NXPH1: variants seen among roughly 807,000 people sequenced by gnomAD.
The protein encoded by NXPH1 is neurexophilin-1.
NXPH1 carries 5 observed loss-of-function variants against 23.7 expected under a neutral mutation model. The observed-to-expected ratio is 0.21, with a 90% CI of 0.11 to 0.44. The LOEUF is 0.44. Among genes scored for constraint, NXPH1 ranks in the 20% least tolerant of loss-of-function variants. NXPH1 has a pLI of 0.99. For synonymous variants in NXPH1, 144 were observed against 122.2 expected (o/e 1.18, Z -1.18); for missense variants, 324 against 321.6 (o/e 1.01, Z -0.06).
chr7:8,561,295 G>A (rs896713746), intron 2 of NXPH1, among the ~76,000 whole-genome samples: 1 of 149,296 alleles, frequency 6.7e-6, no homozygotes, highest in African/African-American at 2.5e-5. Context: ...TTGCCCTTAG[G>A]TAGGGTCTCC....
chr7:8,597,506 T>C (rs527737784), intron 2 of NXPH1, among the ~76,000 whole-genome samples: 26 of 152,120 alleles, frequency 1.7e-4, no homozygotes, highest in African/African-American at 6.0e-4. Context: ...TTCAGTGATA[T>C]TTTGTACTTT....
chr7:8,507,539 AT>A (rs1205466669), intron 2 of NXPH1, among the ~76,000 whole-genome samples: 1 of 152,130 alleles, frequency 6.6e-6, no homozygotes, highest in Non-Finnish European at 1.5e-5. Flanking sequence ...AAAATCACTT[AT>A]AACATGAATC....
At chr7:8,448,085 G>C (rs561771000) in intron 2 of NXPH1, among the ~76,000 whole-genome samples, 191 of 152,310 alleles carry the variant, frequency 1.3e-3, no homozygotes, top group African/African-American at 4.5e-3. Context: ...TGAAAGACTG[G>C]CTAGGAGAAA....
At chr7:8,747,967 G>T (rs891558312) in intron 2 of NXPH1, among the ~76,000 whole-genome samples, 1 of 152,152 alleles carries the variant, frequency 6.6e-6, no homozygotes, top group South Asian at 2.1e-4. Flanking sequence ...TACTAACTCT[G>T]GAGCTGCTAA....
At chr7:8,745,802 C>G (rs150712527) in intron 2 of NXPH1, among the ~76,000 whole-genome samples, 1 of 147,016 alleles carries the variant, frequency 6.8e-6, no homozygotes, top group Non-Finnish European at 1.5e-5. Flanking sequence ...CTCTTGACCT[C>G]TTTATCCTCC....
chr7:8,536,221 G>A (rs931935945), intron 2 of NXPH1, among the ~76,000 whole-genome samples: 2 of 152,030 alleles, frequency 1.3e-5, no homozygotes. Flanking sequence ...TTATCTCCTA[G>A]TTGGGGAATT....
intron 2 of NXPH1, among the ~76,000 whole-genome samples, chr7:8,686,928 TAAG>T (rs1821154868): frequency 6.6e-6 from 1 of 152,116 alleles, no homozygotes; most frequent in Non-Finnish European, 1.5e-5. Flanking sequence ...TTGATGCCTA[TAAG>T]AAGTTTTATT....
chr7:8,507,558 T>C (rs1009678306), intron 2 of NXPH1, among the ~76,000 whole-genome samples: 3 of 152,144 alleles, frequency 2.0e-5, no homozygotes, highest in African/African-American at 7.2e-5. Context: ...ATCCTTCTAG[T>C]AGTTCCCCCA....
Position 8,560,336 on chromosome 7 carries a change from A to T in NXPH1, c.54+124569A>T, listed in dbSNP as rs189676379. ...AAGACTGTTGACATTTGAAAACCAGAGTAGCTGAACATGGATTTTCTAAAG... is the reference window on the plus strand; with the variant it reads ...AAGACTGTTGACATTTGAAAACCAGTGTAGCTGAACATGGATTTTCTAAAG... On this transcript the variant is annotated intron_variant, in intron 2 of 2. Transcript: ENST00000405863. 2.6e-5 allele frequency among the ~76,000 whole-genome samples: 4 copies of T among 151,866 alleles called. No individual in the cohort carries two copies. The East Asian group carries it at 7.8e-4, about 30-fold the overall frequency.
At chr7:8,452,944 T>G (rs1816532398) in intron 2 of NXPH1, among the ~76,000 whole-genome samples, 1 of 152,112 alleles carries the variant, frequency 6.6e-6, no homozygotes, top group African/African-American at 2.4e-5. Context: ...AAGATGAGTG[T>G]ACTTCCTAGT....
At chr7:8,576,612 G>A (rs1033595727) in intron 2 of NXPH1, among the ~76,000 whole-genome samples, 2 of 152,108 alleles carry the variant, frequency 1.3e-5, no homozygotes, top group Non-Finnish European at 2.9e-5. Context: ...GAGGGGTCTT[G>A]TGAGGTGAGG....
intron 2 of NXPH1, among the ~76,000 whole-genome samples, chr7:8,630,131 C>T (rs893919598): frequency 2.6e-5 from 4 of 152,016 alleles, no homozygotes; most frequent in Admixed American, 6.6e-5. Context: ...AGACGCATCA[C>T]GTTGACATAA....
intron 2 of NXPH1, among the ~76,000 whole-genome samples, chr7:8,636,890 G>A (rs1820226296): frequency 6.6e-6 from 1 of 152,190 alleles, no homozygotes; most frequent in African/African-American, 2.4e-5. Flanking sequence ...TCAAATCTGA[G>A]CAATAATTGA....
chr7:8,582,022 G>A (rs893685931), intron 2 of NXPH1, among the ~76,000 whole-genome samples: 11 of 152,292 alleles, frequency 7.2e-5, no homozygotes, highest in Non-Finnish European at 1.3e-4. Flanking sequence ...TGGGTCTGGC[G>A]TCTGCACATA....
intron 2 of NXPH1, among the ~76,000 whole-genome samples, chr7:8,612,000 C>G (rs1819631274): frequency 6.6e-6 from 1 of 152,074 alleles, no homozygotes; most frequent in South Asian, 2.1e-4. Flanking sequence ...ATAAATATTT[C>G]AAGATTGTAA....
At chr7:8,698,768 T>C (rs1234001713) in intron 2 of NXPH1, among the ~76,000 whole-genome samples, 1 of 152,140 alleles carries the variant, frequency 6.6e-6, no homozygotes, top group Non-Finnish European at 1.5e-5. Flanking sequence ...TATGACCAGT[T>C]TAGGCTAGAT....
At chr7:8,548,170 T>A (rs1475230887) in intron 2 of NXPH1, among the ~76,000 whole-genome samples, 1 of 151,514 alleles carries the variant, frequency 6.6e-6, no homozygotes, top group Non-Finnish European at 1.5e-5. Context: ...AGTGTTGAAG[T>A]TGACCTGTTT....
At chr7:8,686,585 T>C (rs1002990517) in intron 2 of NXPH1, among the ~76,000 whole-genome samples, 5 of 152,128 alleles carry the variant, frequency 3.3e-5, no homozygotes, top group Non-Finnish European at 5.9e-5. Flanking sequence ...TAATTGTTCA[T>C]ATCAGAATTA....
chr7:8,622,849 G>A (rs1171211590), intron 2 of NXPH1, among the ~76,000 whole-genome samples: 1 of 152,192 alleles, frequency 6.6e-6, no homozygotes, highest in African/African-American at 2.4e-5. Flanking sequence ...ATATTTTGAG[G>A]TGGGACATAA....
Sources: allele counts gnomAD v4.1 joint callset (sites outside exome capture counted in the v4.1 genomes callset), GRCh38; gene constraint gnomAD v4.1.1; transcripts MANE v1.5; gene names NCBI Gene and HGNC (gene_info 2026-07-23, HGNC 2026-07-21).